Variants in PCBP3 observed in about 807,000 individuals in gnomAD.
PCBP3 encodes poly(rC)-binding protein 3.
Under a neutral mutation model 52.7 loss-of-function variants are expected in PCBP3, and 25 were observed. The observed-to-expected ratio is 0.47, with a 90% CI of 0.35 to 0.66. PCBP3 has a LOEUF of 0.66. Among genes scored for constraint, PCBP3 ranks in the 30% least tolerant of loss-of-function variants. The pLI is 0.01. For synonymous variants in PCBP3, 162 were observed against 183.0 expected (o/e 0.89, Z 0.93); for missense variants, 391 against 490.3 (o/e 0.80, Z 1.91).
intron 4 of PCBP3, among the ~76,000 whole-genome samples, chr21:45,813,410 T>A (rs1032727838): frequency 6.6e-6 from 1 of 152,172 alleles, no homozygotes; most frequent in Non-Finnish European, 1.5e-5. Flanking sequence ...TTCTGATGAG[T>A]TCACTCATTA....
intron 2 of PCBP3, among the ~76,000 whole-genome samples, chr21:45,685,850 G>C (rs987613275): frequency 6.7e-6 from 1 of 150,024 alleles, no homozygotes; most frequent in East Asian, 2.0e-4. Flanking sequence ...CAACACATGA[G>C]ACTCCATGAG....
chr21:45,909,946 T>G (rs1209402656), intron 10 of PCBP3, among the ~76,000 whole-genome samples: 33 of 22,644 alleles, frequency 1.5e-3, no homozygotes, highest in Admixed American at 2.7e-3. Flanking sequence ...CCAACCCACT[T>G]CCCAGATACG....
chr21:45,941,567 G>A, intron 17 of PCBP3, 103 bp from the exon 18 acceptor site: 1 of 1,040,562 alleles, frequency 9.6e-7, no homozygotes, highest in Non-Finnish European at 1.4e-6. Context: ...GGGATGGCCT[G>A]TCCCAGCGAG....
chr21:45,738,840 C>A (rs1296466912), intron 3 of PCBP3, among the ~76,000 whole-genome samples: 1 of 147,256 alleles, frequency 6.8e-6, no homozygotes, highest in African/African-American at 2.5e-5. Context: ...CATCAGCCCA[C>A]CCCTTCCTGT....
chr21:45,703,511 G>A (rs1389736240), intron 2 of PCBP3, among the ~76,000 whole-genome samples: 3 of 152,156 alleles, frequency 2.0e-5, no homozygotes, highest in African/African-American at 7.2e-5. Flanking sequence ...ACCTTTTTCT[G>A]GGGTACAGTG....
At chr21:45,815,918 ATGAGTGAGTGG>A (rs1385910373) in intron 4 of PCBP3, among the ~76,000 whole-genome samples, 108 of 88,382 alleles carry the variant, frequency 1.2e-3, no homozygotes, top group Non-Finnish European at 1.8e-3. Context: ...GTGGTGAGTG[ATGAGTGAGTGG>A]TGAGTGAGTG....
At chr21:45,935,049 G>C (rs922703418) in intron 15 of PCBP3, among the ~76,000 whole-genome samples, 4 of 152,328 alleles carry the variant, frequency 2.6e-5, no homozygotes, top group Middle Eastern at 3.4e-3. Flanking sequence ...TCCTTCTTTT[G>C]AGAGAGGTTG....
Position 45,853,673 on chromosome 21 carries a change from C to G in PCBP3, c.10+3578C>G, listed in dbSNP as rs949205816. Among the ~76,000 whole-genome samples the G allele has an allele frequency of 6.6e-6, 1 of 152,208 alleles. No individual in the cohort carries two copies. Among genetic ancestry groups the G allele is most frequent in the Non-Finnish European group, 1.5e-5 (1 of 68,044 alleles). On this transcript the variant is annotated intron_variant, in intron 5 of 17. Transcript: ENST00000681687. The surrounding 1 kb of genome is among the most constrained non-coding windows in gnomAD (Gnocchi z 4.6). ...ACCTTAGGTTTCTTCCCTGCAGGCC[C>G]TCTTCTCCTGCCTCACTGGGTTAAA...
At chr21:45,796,134 G>A (rs554489223) in intron 4 of PCBP3, among the ~76,000 whole-genome samples, 1 of 152,282 alleles carries the variant, frequency 6.6e-6, no homozygotes, top group East Asian at 1.9e-4. Flanking sequence ...CAAAGGGAGG[G>A]TCATGTGTGA....
At chr21:45,749,846 A>G (rs2087258166) in intron 3 of PCBP3, 1 of 152,034 alleles carries the variant, frequency 6.6e-6, no homozygotes, top group Non-Finnish European at 1.5e-5. Flanking sequence ...CCCCCCAGTA[A>G]TGTCTTTTAT....
intron 4 of PCBP3, among the ~76,000 whole-genome samples, chr21:45,785,387 G>A (rs2091048015): frequency 6.7e-6 from 1 of 149,244 alleles, no homozygotes; most frequent in Admixed American, 6.6e-5. Flanking sequence ...GGGAGGTGAG[G>A]GGCGCCTCTG....
intron 13 of PCBP3, among the ~76,000 whole-genome samples, chr21:45,922,964 T>C (rs891221629): frequency 3.1e-5 from 4 of 129,896 alleles, no homozygotes; most frequent in African/African-American, 1.3e-4. Flanking sequence ...CGTGGGGAAA[T>C]TGTAGAAATG....
intron 4 of PCBP3, among the ~76,000 whole-genome samples, chr21:45,820,040 A>G (rs898056692): frequency 5.3e-5 from 8 of 152,220 alleles, no homozygotes; most frequent in African/African-American, 1.9e-4. Context: ...TCTACACCGC[A>G]GGACTGTTGC....
chr21:45,786,141 T>TAAAA (rs1403656134), intron 4 of PCBP3, among the ~76,000 whole-genome samples: 10 of 143,120 alleles, frequency 7.0e-5, no homozygotes, highest in African/African-American at 2.4e-4. Context: ...AAAAAATAAA[T>TAAAA]AAATAAATAA....
At chr21:45,678,293 G>A (rs948200505) in intron 2 of PCBP3, among the ~76,000 whole-genome samples, 23 of 148,790 alleles carry the variant, frequency 1.5e-4, no homozygotes, top group East Asian at 1.9e-4. Context: ...GCGACAGAGC[G>A]AGACTCCATC....
In PCBP3 at chr21:45,933,135, G is replaced by A. The variant is rs150554559; in HGVS notation, c.857-2118G>A. 6.8e-3 allele frequency among the ~76,000 whole-genome samples: 1,033 copies of A among 151,942 alleles called. 7 individuals are homozygous for A. Among genetic ancestry groups the A allele is most frequent in the Middle Eastern group, 0.031 (9 of 294 alleles). On this transcript the variant is annotated intron_variant, in intron 15 of 17. Coordinates refer to ENST00000681687, the MANE Select transcript of PCBP3 (RefSeq NM_001384156.1). ...CATCCTGAGATGAATGAACACATTGGCCATGCTGTCTTGAGATGAATGAAC... is the reference window on the plus strand; with the variant it reads ...CATCCTGAGATGAATGAACACATTGACCATGCTGTCTTGAGATGAATGAAC...
Position 45,904,649 on chromosome 21 carries a change from T to C in PCBP3, c.339+3536T>C, listed in dbSNP as rs534386123. On this transcript the variant is annotated intron_variant, in intron 9 of 17. Coordinates refer to ENST00000681687, the MANE Select transcript of PCBP3 (RefSeq NM_001384156.1). This position sits in a 1 kb window ranked among gnomAD's most constrained non-coding sequence, Gnocchi z 4.8. ...AAATCAAGGAATTTTTTGGCAACTTTAAGGACCGTAGCTTTTAAACAAGGA... is the reference window on the plus strand; with the variant it reads ...AAATCAAGGAATTTTTTGGCAACTTCAAGGACCGTAGCTTTTAAACAAGGA... Among the ~76,000 whole-genome samples the C allele has an allele frequency of 6.6e-6, 1 of 152,370 alleles. No individual in the cohort carries two copies. Among genetic ancestry groups the C allele is most frequent in the Non-Finnish European group, 1.5e-5 (1 of 68,036 alleles).
At chr21:45,711,318 C>T (rs1296970595) in intron 2 of PCBP3, among the ~76,000 whole-genome samples, 2 of 152,240 alleles carry the variant, frequency 1.3e-5, no homozygotes, top group South Asian at 2.1e-4. Context: ...CTTGAGCTAA[C>T]CTGTGTGTAT....
intron 5 of PCBP3, among the ~76,000 whole-genome samples, chr21:45,883,208 A>G (rs1466785150): frequency 2.6e-5 from 4 of 152,084 alleles, no homozygotes. Context: ...TTTTCTTGTT[A>G]TCTTTCCATG....
Sources: gnomAD v4.1 joint callset for allele counts (sites outside exome capture counted in the v4.1 genomes callset) on GRCh38, gnomAD v4.1.1 for gene constraint, Gnocchi (gnomAD v3.1) non-coding constraint, MANE v1.5 for transcripts, NCBI Gene and HGNC (gene_info 2026-07-23, HGNC 2026-07-21) for gene names.